Variants in RBBP4 observed in about 807,000 individuals in gnomAD.
The protein encoded by RBBP4 is RB binding protein 4, chromatin remodeling factor.
RBBP4 carries 3 observed loss-of-function variants against 57.2 expected under a neutral mutation model. The observed-to-expected ratio is 0.05, with a 90% CI of 0.02 to 0.14. The LOEUF is 0.14. Among genes scored for constraint, RBBP4 ranks in the 10% least tolerant of loss-of-function variants. The pLI, the probability that RBBP4 is intolerant of heterozygous loss-of-function variation, is 1.00. For missense variants in RBBP4, 107 were observed against 520.6 expected, an observed-to-expected ratio of 0.21 and a Z score of 7.73; for synonymous variants, 151 against 171.5, an observed-to-expected ratio of 0.88 and a Z score of 0.93.
intron 3 of RBBP4, among the ~76,000 whole-genome samples, chr1:32,667,451 C>T (rs190178267): frequency 2.0e-5 from 3 of 152,262 alleles, no homozygotes; most frequent in Non-Finnish European, 2.9e-5. Flanking sequence ...CTCCTTACCT[C>T]GCCCCCTTGT....
Position 32,685,307 on chromosome 1 carries a change from T to G in RBBP4, c.*5602T>G, listed in dbSNP as rs1649750144. The G allele has an allele frequency of 1.3e-5, 2 of 152,186 alleles. No homozygotes were observed. The highest frequency in any genetic ancestry group is 6.5e-5 in the Admixed American group (1 of 15,268). 9.4% of individuals were successfully genotyped at this position (152,186 alleles called of 1,614,324 possible). On this transcript the variant is annotated 3_prime_UTR_variant, in exon 12 of 12. Transcript: ENST00000373493. ...TTCTGTAAATTTTCCCTGCCTAGGA[T>G]GTATACCTGAGGAATAAGGTAAGGA...
At chr1:32,663,811 C>T (rs1171667529) in intron 3 of RBBP4, among the ~76,000 whole-genome samples, 1 of 152,030 alleles carries the variant, frequency 6.6e-6, no homozygotes, top group Admixed American at 6.6e-5. Context: ...CTCCTGACCT[C>T]GTGATCCGCC....
At position 32,682,501 on chromosome 1, in the gene RBBP4, G is replaced by A. The variant is rs551769148; in HGVS notation, c.*2796G>A. 8 of 152,328 alleles carry A rather than the reference G, an allele frequency of 5.3e-5. No homozygotes were observed. The highest frequency in any genetic ancestry group is 4.1e-4 in the South Asian group (2 of 4,822). The allele number at this position is 152,328 out of a possible 1,614,324, so 9.4% of individuals were successfully genotyped here. ...CAATAGTTACTTGTGGGCCAGGCGC[G>A]GTGGTTCACGCCTGTAATCCCAGCA... On this transcript the variant is annotated 3_prime_UTR_variant, in exon 12 of 12. Transcript: ENST00000373493.
rs1337484375 is a variant in RBBP4, at chr1:32,681,382, A to G, written c.*1677A>G. On this transcript the variant is annotated 3_prime_UTR_variant, in exon 12 of 12. Coordinates refer to ENST00000373493, the MANE Select transcript of RBBP4 (RefSeq NM_005610.3). Reference sequence around the variant, plus strand: ...TAAAAGTATTCATTTAAATTCTAACACTCGTGGCACAAAAGAATGGAAATT... The same window carrying G: ...TAAAAGTATTCATTTAAATTCTAACGCTCGTGGCACAAAAGAATGGAAATT... The G allele has an allele frequency of 1.3e-5, 2 of 159,710 alleles. No individual in the cohort carries two copies. Among genetic ancestry groups the G allele is most frequent in the African/African-American group, 4.8e-5 (2 of 41,662 alleles). The allele number at this position is 159,710 out of a possible 1,614,324, so 9.9% of individuals were successfully genotyped here. A position where few individuals can be genotyped will look rare whatever the true frequency, so the allele number is the denominator to read the frequency against.
At position 32,679,956 on chromosome 1, in the gene RBBP4, C is replaced by T. The variant is rs189481690; in HGVS notation, c.*251C>T. 10 of 1,269,644 alleles carry T rather than the reference C, an allele frequency of 7.9e-6. No individual in the cohort carries two copies. The highest frequency in any genetic ancestry group is 8.0e-5 in the Admixed American group (2 of 25,086). 78.6% of individuals were successfully genotyped at this position (1,269,644 alleles called of 1,614,324 possible). On this transcript the variant is annotated 3_prime_UTR_variant, in exon 12 of 12. Coordinates refer to ENST00000373493, the MANE Select transcript of RBBP4 (RefSeq NM_005610.3). Reference sequence around the variant, plus strand: ...TAGTAACCCAGGTCTAAAGTAGCTACAGAAAGGGGAATATTATGTGTGATT... The same window carrying T: ...TAGTAACCCAGGTCTAAAGTAGCTATAGAAAGGGGAATATTATGTGTGATT...
At chr1:32,677,756 G>A (rs1007249713) in intron 11 of RBBP4, among the ~76,000 whole-genome samples, 18 of 152,058 alleles carry the variant, frequency 1.2e-4, no homozygotes, top group African/African-American at 3.1e-4. Flanking sequence ...CCCACATTTG[G>A]TGTTAGAAGT....
chr1:32,660,858 G>A (rs1365762892), intron 3 of RBBP4, among the ~76,000 whole-genome samples: 1 of 152,142 alleles, frequency 6.6e-6, no homozygotes, highest in Non-Finnish European at 1.5e-5. Flanking sequence ...CACCCAGGCT[G>A]GAGTGCAGTC....
At chr1:32,662,266 C>T in intron 3 of RBBP4, 1 of 300,684 alleles carries the variant, frequency 3.3e-6, no homozygotes. Context: ...GTGGTGCGAT[C>T]TCACTGCAGC....
chr1:32,663,143 G>C (rs1408314792), intron 3 of RBBP4, among the ~76,000 whole-genome samples: 1 of 152,024 alleles, frequency 6.6e-6, no homozygotes, highest in Admixed American at 6.6e-5. Flanking sequence ...CACTATGGTG[G>C]TTACCTTGTT....
chr1:32,677,477 A>AAAC (rs1553196770), intron 11 of RBBP4, among the ~76,000 whole-genome samples: 5,650 of 150,566 alleles, frequency 0.038, 149 homozygotes, highest in East Asian at 0.074. Flanking sequence ...ATTTAAAAAA[A>AAAC]AAAACAAAAC....
intron 3 of RBBP4, chr1:32,662,275 G>T: frequency 3.6e-6 from 1 of 281,220 alleles, no homozygotes; most frequent in Non-Finnish European, 7.8e-6. Flanking sequence ...TCTCACTGCA[G>T]CCTCCGCCTC....
intron 2 of RBBP4, 46 bp downstream of exon 2, chr1:32,652,107 G>C: frequency 6.4e-7 from 1 of 1,560,336 alleles, no homozygotes; most frequent in Non-Finnish European, 8.7e-7. Context: ...TTTCAGTGTA[G>C]ATTTCTCATA....
chr1:32,653,199 CAG>C (rs950600678), intron 2 of RBBP4, among the ~76,000 whole-genome samples: 34 of 152,002 alleles, frequency 2.2e-4, no homozygotes, highest in Non-Finnish European at 1.0e-4. Flanking sequence ...ATAAAATTAT[CAG>C]AGGAAGGAAA....
Position 32,684,231 on chromosome 1 carries a change from G to C in RBBP4, c.*4526G>C. 6.2e-7 allele frequency: 1 copy of C among 1,613,922 alleles called. No individual in the cohort carries two copies. ...ACCATCCCCTCAGCCAGTATTAGATGAGATTTGTATAGCAGCAGAAACTGA... is the reference window on the plus strand; with the variant it reads ...ACCATCCCCTCAGCCAGTATTAGATCAGATTTGTATAGCAGCAGAAACTGA... On this transcript the variant is annotated 3_prime_UTR_variant, in exon 12 of 12. Transcript: ENST00000373493.
chr1:32,661,359 A>G (rs1315138743), intron 3 of RBBP4, among the ~76,000 whole-genome samples: 3 of 130,370 alleles, frequency 2.3e-5, no homozygotes, highest in Non-Finnish European at 3.1e-5. Flanking sequence ...AAGTGGCGCT[A>G]TCTCAACTCA....
intron 2 of RBBP4, among the ~76,000 whole-genome samples, chr1:32,655,764 T>C (rs1306179253): frequency 6.6e-6 from 1 of 152,206 alleles, no homozygotes; most frequent in Non-Finnish European, 1.5e-5. Context: ...ATAATTGGCT[T>C]TAGTTTGACA....
At chr1:32,678,106 A>G (rs879023536) in intron 11 of RBBP4, among the ~76,000 whole-genome samples, 2 of 152,166 alleles carry the variant, frequency 1.3e-5, no homozygotes, top group Admixed American at 1.3e-4. Context: ...GCAACCATCA[A>G]CCACAGTCAA....
chr1:32,674,057 C>T lies in RBBP4; in HGVS notation c.1212+1156C>T, dbSNP rs139279870. Among the ~76,000 whole-genome samples the T allele has an allele frequency of 4.5e-3, 683 of 152,238 alleles. 4 individuals are homozygous for T. Among genetic ancestry groups the T allele is most frequent in the Non-Finnish European group, 7.8e-3 (531 of 68,022 alleles). ...CGGAGCTTGCATTGAGCCAAGATTG[C>T]GTCACTGCACTCTGGCCTGGGCGAC... On this transcript the variant is annotated intron_variant, in intron 11 of 11. Transcript: ENST00000373493.
chr1:32,665,309 G>A (rs1194821118), intron 3 of RBBP4, among the ~76,000 whole-genome samples: 3 of 152,286 alleles, frequency 2.0e-5, no homozygotes, highest in African/African-American at 7.2e-5. Context: ...TTATTTTGAA[G>A]TTGAAAGTTA....
Sources: gnomAD v4.1 joint callset for allele counts (sites outside exome capture counted in the v4.1 genomes callset) on GRCh38, gnomAD v4.1.1 for gene constraint, MANE v1.5 for transcripts, NCBI Gene and HGNC (gene_info 2026-07-23, HGNC 2026-07-21) for gene names.